Variants in NTRK2 observed in about 807,000 individuals in gnomAD.
The protein encoded by NTRK2 is neurotrophic receptor tyrosine kinase 2, also known as BDNF/NT-3 growth factors receptor.
NTRK2 carries 13 observed loss-of-function variants against 94.5 expected under a neutral mutation model. That is an observed-to-expected ratio of 0.14 (90% CI 0.09 to 0.22). NTRK2 has a LOEUF of 0.22. Ranked by LOEUF, NTRK2 falls within the 10% of genes least tolerant of loss-of-function variation. The pLI is 1.00. For missense variants in NTRK2, 639 were observed against 1,071.2 expected, an observed-to-expected ratio of 0.60 and a Z score of 5.63; for synonymous variants, 372 against 407.4, an observed-to-expected ratio of 0.91 and a Z score of 1.05.
At chr9:84,862,675 G>A (rs556224108) in intron 13 of NTRK2, among the ~76,000 whole-genome samples, 8 of 152,264 alleles carry the variant, frequency 5.3e-5, no homozygotes, top group Admixed American at 2.6e-4. Flanking sequence ...TGTGTCACTC[G>A]TGGTTCCCAA....
At chr9:84,951,122 A>G (rs908874710) in intron 16 of NTRK2, among the ~76,000 whole-genome samples, 1 of 152,148 alleles carries the variant, frequency 6.6e-6, no homozygotes, top group Non-Finnish European at 1.5e-5. Context: ...CTTTAGCCTC[A>G]TGGATCCACG....
chr9:84,922,866 G>C (rs1233370888), intron 14 of NTRK2, among the ~76,000 whole-genome samples: 1 of 152,192 alleles, frequency 6.6e-6, no homozygotes, highest in Non-Finnish European at 1.5e-5. Flanking sequence ...GAAAGGTTTT[G>C]AAAGTATTGC....
intron 12 of NTRK2, chr9:84,811,286 C>T: frequency 9.4e-7 from 1 of 1,064,296 alleles, no homozygotes; most frequent in Non-Finnish European, 1.1e-6. Flanking sequence ...CAAAACAAAA[C>T]AAAACAAAAC....
chr9:84,885,164 C>A (rs529428531), intron 14 of NTRK2, among the ~76,000 whole-genome samples: 264 of 152,284 alleles, frequency 1.7e-3, no homozygotes, highest in African/African-American at 6.0e-3. Context: ...TGAGGTCCCT[C>A]CAGGCTACTC....
At chr9:84,731,746 G>T (rs997687976) in intron 9 of NTRK2, among the ~76,000 whole-genome samples, 2 of 152,100 alleles carry the variant, frequency 1.3e-5, no homozygotes, top group Non-Finnish European at 2.9e-5. Flanking sequence ...CAGTCCAAGG[G>T]GGTGCCAGTC....
Position 84,807,532 on chromosome 9 carries a change from C to T in NTRK2, c.1397-53508C>T, listed in dbSNP as rs529579505. On this transcript the variant is annotated intron_variant, in intron 12 of 18. Transcript: ENST00000277120. Reference sequence around the variant, plus strand: ...GTTTTTGATAAAGGAGCTGGTCTCACGGTAACTACCATGCACCATCGGAAT... The same window carrying T: ...GTTTTTGATAAAGGAGCTGGTCTCATGGTAACTACCATGCACCATCGGAAT... Among the ~76,000 whole-genome samples, 5 of 152,278 alleles carry T rather than the reference C, an allele frequency of 3.3e-5. No homozygotes were observed. The South Asian group carries it at 1.0e-3, about 32-fold the overall frequency.
At chr9:84,686,450 C>T (rs2059721094) in intron 2 of NTRK2, among the ~76,000 whole-genome samples, 1 of 152,232 alleles carries the variant, frequency 6.6e-6, no homozygotes, top group Non-Finnish European at 1.5e-5. Flanking sequence ...TGTGCCTTTT[C>T]TGTTAGGTAA....
Position 84,683,081 on chromosome 9 carries a change from A to G in NTRK2, c.212+12121A>G, listed in dbSNP as rs59194419. 1.4e-4 allele frequency among the ~76,000 whole-genome samples: 22 copies of G among 152,226 alleles called. No individual in the cohort carries two copies. In the East Asian group the frequency reaches 3.9e-3, roughly 27 times the overall value. ...CCTCCAGAAGGCCCCACCTCCTAAC[A>G]TCACATGCATAATTTTATCTATAGG... On this transcript the variant is annotated intron_variant, in intron 2 of 18. Coordinates refer to ENST00000277120, the MANE Select transcript of NTRK2 (RefSeq NM_006180.6).
At chr9:84,754,679 A>G (rs2064923384) in intron 12 of NTRK2, among the ~76,000 whole-genome samples, 2 of 152,220 alleles carry the variant, frequency 1.3e-5, no homozygotes, top group Admixed American at 1.3e-4. Flanking sequence ...AGCTTTGGCC[A>G]GGACTAGGCA....
chr9:84,702,847 A>T (rs1564085844), intron 4 of NTRK2, among the ~76,000 whole-genome samples: 1 of 152,222 alleles, frequency 6.6e-6, no homozygotes, highest in Non-Finnish European at 1.5e-5. Flanking sequence ...TCACAATAGG[A>T]TTCTCTTTTG....
chr9:84,678,004 T>G (rs2059164082), intron 2 of NTRK2, among the ~76,000 whole-genome samples: 1 of 152,236 alleles, frequency 6.6e-6, no homozygotes, highest in African/African-American at 2.4e-5. Flanking sequence ...CATCCCATCC[T>G]TTCCTGTAAT....
rs544391112 is a variant in NTRK2, at chr9:84,896,352, C to A, written c.1633+28921C>A. Among the ~76,000 whole-genome samples the A allele has an allele frequency of 3.9e-5, 6 of 152,318 alleles. No individual in the cohort carries two copies. In the East Asian group the frequency reaches 1.2e-3, roughly 29 times the overall value. On this transcript the variant is annotated intron_variant, in intron 14 of 18. Transcript: ENST00000277120. Reference sequence around the variant, plus strand: ...TGCTGTATCTTTGATGCCTGAAACACTGCCCAGCACAGAGCTGGGGCTCAG... The same window carrying A: ...TGCTGTATCTTTGATGCCTGAAACAATGCCCAGCACAGAGCTGGGGCTCAG...
intron 14 of NTRK2, among the ~76,000 whole-genome samples, chr9:84,912,753 GACT>G (rs957787778): frequency 5.9e-5 from 9 of 151,304 alleles, no homozygotes; most frequent in African/African-American, 1.7e-4. Flanking sequence ...AAGTAGCTGC[GACT>G]ACAGGCGCCC....
chr9:84,902,862 T>G (rs1220351661), intron 14 of NTRK2, among the ~76,000 whole-genome samples: 1 of 152,214 alleles, frequency 6.6e-6, no homozygotes, highest in Middle Eastern at 3.2e-3. Context: ...CTTAGTTATT[T>G]CATCTGTAAA....
intron 14 of NTRK2, among the ~76,000 whole-genome samples, chr9:84,926,856 T>C (rs1270134963): frequency 6.6e-6 from 1 of 152,264 alleles, no homozygotes; most frequent in African/African-American, 2.4e-5. Flanking sequence ...TAGGTGTTTA[T>C]TTTAATGTCC....
intron 14 of NTRK2, among the ~76,000 whole-genome samples, chr9:84,889,636 C>G (rs986339640): frequency 2.6e-5 from 4 of 152,124 alleles, no homozygotes; most frequent in African/African-American, 9.7e-5. Flanking sequence ...TGGTCTAAAA[C>G]TCCTGGCCTC....
At chr9:84,806,506 A>G (rs1339883314) in intron 12 of NTRK2, among the ~76,000 whole-genome samples, 1 of 152,200 alleles carries the variant, frequency 6.6e-6, no homozygotes, top group Non-Finnish European at 1.5e-5. Context: ...CTAAATTTAT[A>G]TATGGGGAGA....
At chr9:85,017,479 T>C (rs897057804) in intron 17 of NTRK2, among the ~76,000 whole-genome samples, 1 of 152,210 alleles carries the variant, frequency 6.6e-6, no homozygotes, top group Non-Finnish European at 1.5e-5. Flanking sequence ...CCTGAGATCT[T>C]GCTAGATTAA....
At chr9:84,834,899 C>T (rs2073781366) in intron 12 of NTRK2, among the ~76,000 whole-genome samples, 1 of 152,150 alleles carries the variant, frequency 6.6e-6, no homozygotes, top group Admixed American at 6.5e-5. Context: ...GCAATGGACA[C>T]TGAAAATTAT....
Sources: allele counts gnomAD v4.1 joint callset (sites outside exome capture counted in the v4.1 genomes callset), GRCh38; gene constraint gnomAD v4.1.1; transcripts MANE v1.5; gene names NCBI Gene and HGNC (gene_info 2026-07-23, HGNC 2026-07-21).